LRRTM4: variants seen among roughly 807,000 people sequenced by gnomAD.
The protein encoded by LRRTM4 is leucine rich repeat transmembrane neuronal 4.
A neutral mutation model predicts 47.6 loss-of-function variants in LRRTM4; 25 were observed. That is an observed-to-expected ratio of 0.53 (90% confidence interval 0.38 to 0.73). The LOEUF (loss-of-function observed/expected upper bound fraction) is 0.73, where lower values mean the gene tolerates loss of function less well. Among genes scored for constraint, LRRTM4 ranks in the 30% least tolerant of loss-of-function variants. LRRTM4 has a pLI of 0.00. For missense variants in LRRTM4, 638 were observed against 713.4 expected, an observed-to-expected ratio of 0.89 and a Z score of 1.20; for synonymous variants, 311 against 269.5, an observed-to-expected ratio of 1.15 and a Z score of -1.51.
chr2:77,401,712 T>A (rs1399942040), intron 3 of LRRTM4, among the ~76,000 whole-genome samples: 1 of 151,858 alleles, frequency 6.6e-6, no homozygotes, highest in Admixed American at 6.6e-5. Flanking sequence ...GCCATAGGAG[T>A]AAAAGGAAAA....
intron 3 of LRRTM4, among the ~76,000 whole-genome samples, chr2:77,418,846 A>G (rs890717983): frequency 7.9e-5 from 12 of 152,014 alleles, no homozygotes; most frequent in African/African-American, 2.9e-4. Flanking sequence ...ACATCTGTGT[A>G]CTCCTTCTCC....
intron 3 of LRRTM4, among the ~76,000 whole-genome samples, chr2:77,510,049 A>T (rs1390320043): frequency 6.6e-6 from 1 of 152,090 alleles, no homozygotes; most frequent in East Asian, 1.9e-4. Context: ...AAAGACTCAA[A>T]CCTAATTAAT....
chr2:77,297,410 G>T (rs539015538), intron 3 of LRRTM4, among the ~76,000 whole-genome samples: 86 of 152,108 alleles, frequency 5.7e-4, no homozygotes, highest in Non-Finnish European at 1.1e-3. Flanking sequence ...ATGCTCTATT[G>T]TGCCTCTAAT....
At chr2:77,458,205 G>A (rs147684779) in intron 3 of LRRTM4, among the ~76,000 whole-genome samples, 1 of 152,122 alleles carries the variant, frequency 6.6e-6, no homozygotes, top group African/African-American at 2.4e-5. Context: ...GTTAATCTCT[G>A]TTCAAATATT....
intron 3 of LRRTM4, among the ~76,000 whole-genome samples, chr2:77,210,159 G>A (rs978551378): frequency 1.3e-5 from 2 of 152,174 alleles, no homozygotes; most frequent in African/African-American, 4.8e-5. Flanking sequence ...GCATTTGAAG[G>A]AGAAACCAAG....
chr2:77,131,820 T>C (rs1478918922), intron 3 of LRRTM4, among the ~76,000 whole-genome samples: 3 of 152,184 alleles, frequency 2.0e-5, no homozygotes, highest in Non-Finnish European at 4.4e-5. Context: ...TCTTACTCTG[T>C]TTGAGCTGCT....
chr2:76,854,306 ACTGT>A (rs534833913), intron 3 of LRRTM4, among the ~76,000 whole-genome samples: 2 of 152,178 alleles, frequency 1.3e-5, no homozygotes, highest in Admixed American at 1.3e-4. Context: ...AAGGATTTTG[ACTGT>A]CTGATAATAC....
At chr2:76,992,844 G>T (rs201417895) in intron 3 of LRRTM4, among the ~76,000 whole-genome samples, 72,577 of 145,904 alleles carry the variant, frequency 0.5, 18,781 homozygotes, top group African/African-American at 0.63. Flanking sequence ...AAAAAAAGCT[G>T]GGTGTATCAT....
chr2:76,936,585 TAA>T (rs869085850), intron 3 of LRRTM4, among the ~76,000 whole-genome samples: 5,842 of 96,890 alleles, frequency 0.06, 393 homozygotes, highest in African/African-American at 0.17. Flanking sequence ...TAAAGTATAA[TAA>T]AAAAAAAAAA....
intron 3 of LRRTM4, among the ~76,000 whole-genome samples, chr2:77,179,551 C>G (rs1673293509): frequency 6.6e-6 from 1 of 152,004 alleles, no homozygotes; most frequent in Non-Finnish European, 1.5e-5. Context: ...TTCAAGAAGA[C>G]TGTGTGGATG....
At chr2:77,291,242 T>C (rs1012785017) in intron 3 of LRRTM4, among the ~76,000 whole-genome samples, 1 of 152,006 alleles carries the variant, frequency 6.6e-6, no homozygotes, top group Non-Finnish European at 1.5e-5. Context: ...TTAATAAAAA[T>C]TGTAATAGAA....
intron 3 of LRRTM4, among the ~76,000 whole-genome samples, chr2:77,389,602 A>C (rs970269291): frequency 2.6e-5 from 4 of 152,094 alleles, no homozygotes; most frequent in Non-Finnish European, 4.4e-5. Flanking sequence ...TGATAATTTG[A>C]ATATATTTCC....
At chr2:76,939,101 G>A (rs992966248) in intron 3 of LRRTM4, among the ~76,000 whole-genome samples, 2 of 151,922 alleles carry the variant, frequency 1.3e-5, no homozygotes, top group African/African-American at 4.8e-5. Context: ...TTATTTACTA[G>A]AGGTGGGAAT....
intron 3 of LRRTM4, among the ~76,000 whole-genome samples, chr2:77,034,699 C>G (rs1678776487): frequency 6.6e-6 from 1 of 151,808 alleles, no homozygotes; most frequent in African/African-American, 2.4e-5. Context: ...TTTGGTCGGG[C>G]TGTAGATGTT....
At chr2:77,083,498 G>A (rs1203139842) in intron 3 of LRRTM4, among the ~76,000 whole-genome samples, 1 of 152,034 alleles carries the variant, frequency 6.6e-6, no homozygotes, top group East Asian at 1.9e-4. Context: ...CCAGTAAGCT[G>A]ACCAAAAACA....
intron 3 of LRRTM4, among the ~76,000 whole-genome samples, chr2:77,390,321 T>C (rs1210542236): frequency 6.6e-6 from 1 of 152,016 alleles, no homozygotes; most frequent in Admixed American, 6.6e-5. Flanking sequence ...ACATATTTAC[T>C]AGTAAAGTTA....
chr2:77,426,846 CAG>C (rs756686178), intron 3 of LRRTM4, among the ~76,000 whole-genome samples: 86 of 125,416 alleles, frequency 6.9e-4, no homozygotes, highest in African/African-American at 1.5e-3. Context: ...CACACACACA[CAG>C]AGAGAGAGAG....
At chr2:77,373,491 C>G (rs1672724796) in intron 3 of LRRTM4, among the ~76,000 whole-genome samples, 1 of 151,618 alleles carries the variant, frequency 6.6e-6, no homozygotes, top group South Asian at 2.1e-4. Context: ...GTCTTCTCCA[C>G]CTTCATTTTT....
chr2:77,517,579 A>C, intron 3 of LRRTM4: 1 of 985,208 alleles, frequency 1.0e-6, no homozygotes, highest in Non-Finnish European at 1.2e-6. Flanking sequence ...CCAGTGCATA[A>C]AAACCTTTGA....
Sources: allele counts gnomAD v4.1 joint callset (sites outside exome capture counted in the v4.1 genomes callset), GRCh38; gene constraint gnomAD v4.1.1; transcripts MANE v1.5; gene names NCBI Gene and HGNC (gene_info 2026-07-23, HGNC 2026-07-21).